ASTN2: variants seen among roughly 807,000 people sequenced by gnomAD.
ASTN2 encodes the protein astrotactin 2.
In ASTN2, 54 loss-of-function variants were observed where a neutral mutation model predicts 139.8. That is an observed-to-expected ratio of 0.39 (90% confidence interval 0.31 to 0.48). The LOEUF (loss-of-function observed/expected upper bound fraction) is 0.48, where lower values mean the gene tolerates loss of function less well. ASTN2 is among the 20% of genes least tolerant of loss of function. The probability of loss-of-function intolerance (pLI) is 0.95; values close to 1 mark genes in which losing one functional copy is unlikely to be tolerated. For synonymous variants in ASTN2, 756 were observed against 719.5 expected (o/e 1.05, Z -0.81); for missense variants, 1,565 against 1,725.1 (o/e 0.91, Z 1.64).
chr9:117,328,282 G>C (rs1411590531), intron 1 of ASTN2, among the ~76,000 whole-genome samples: 4 of 152,010 alleles, frequency 2.6e-5, no homozygotes, highest in South Asian at 2.1e-4. Flanking sequence ...TGATCAAATG[G>C]GATAAATTAG....
chr9:116,559,796 G>C (rs1392260463), intron 19 of ASTN2, among the ~76,000 whole-genome samples: 1 of 152,156 alleles, frequency 6.6e-6, no homozygotes, highest in African/African-American at 2.4e-5. Flanking sequence ...TTGAGCCTGG[G>C]AAGTTTGACT....
At chr9:116,557,742 C>T (rs554683869) in intron 19 of ASTN2, 24 of 152,256 alleles carry the variant, frequency 1.6e-4, no homozygotes, top group Admixed American at 8.5e-4. Flanking sequence ...CTTTTTCCTA[C>T]GTGTATATAA....
chr9:117,406,817 ATAACT>A (rs1448518171), intron 1 of ASTN2, among the ~76,000 whole-genome samples: 6 of 151,416 alleles, frequency 4.0e-5, no homozygotes, highest in East Asian at 3.9e-4. Context: ...CACATACTAC[ATAACT>A]TATTTACTTA....
intron 11 of ASTN2, among the ~76,000 whole-genome samples, chr9:116,828,551 A>C (rs1831710604): frequency 6.6e-6 from 1 of 152,180 alleles, no homozygotes; most frequent in Non-Finnish European, 1.5e-5. Context: ...TCAACAGAGT[A>C]ATCATTGAAA....
At chr9:117,269,048 G>A (rs1186712260) in intron 2 of ASTN2, among the ~76,000 whole-genome samples, 1 of 152,222 alleles carries the variant, frequency 6.6e-6, no homozygotes, top group Admixed American at 6.5e-5. Flanking sequence ...AATGCCTAGT[G>A]CATGACAATG....
rs192762454 is a variant in ASTN2, at chr9:116,586,596, C to A, written c.3355+31728G>T. On this transcript the variant is annotated intron_variant, in intron 19 of 22. Transcript: ENST00000313400. ...ATAAGTGGGAGCTTAACATTGAGTA[C>A]CCATGGGCATAAAGATAGCAACAAT... Among the ~76,000 whole-genome samples the A allele has an allele frequency of 3.9e-5, 6 of 151,968 alleles. No homozygotes were observed. In the East Asian group the frequency reaches 1.2e-3, roughly 29 times the overall value.
intron 16 of ASTN2, among the ~76,000 whole-genome samples, chr9:116,697,215 T>C (rs1367791679): frequency 6.6e-6 from 1 of 152,238 alleles, no homozygotes; most frequent in Non-Finnish European, 1.5e-5. Flanking sequence ...TCAGAAGTTG[T>C]AAAATTCACC....
intron 10 of ASTN2, among the ~76,000 whole-genome samples, chr9:116,942,352 A>C (rs1328781825): frequency 1.3e-5 from 2 of 151,930 alleles, no homozygotes; most frequent in African/African-American, 2.4e-5. Context: ...TCTCTGATCT[A>C]TCTCTCTTCT....
At chr9:116,543,496 A>G (rs1025667857) in intron 19 of ASTN2, among the ~76,000 whole-genome samples, 2 of 152,198 alleles carry the variant, frequency 1.3e-5, no homozygotes, top group African/African-American at 4.8e-5. Context: ...GGTGTACAGT[A>G]GTTTTGCAAC....
intron 19 of ASTN2, among the ~76,000 whole-genome samples, chr9:116,599,152 A>G (rs1854738715): frequency 1.3e-5 from 2 of 152,310 alleles, no homozygotes; most frequent in South Asian, 4.1e-4. Context: ...CATTCTCTAA[A>G]GTGGAAAGCT....
intron 5 of ASTN2, among the ~76,000 whole-genome samples, chr9:117,062,956 C>T (rs1839335580): frequency 6.6e-6 from 1 of 152,130 alleles, no homozygotes; most frequent in Admixed American, 6.6e-5. Flanking sequence ...ACCACTTTTA[C>T]TGTTGCCATA....
At chr9:116,581,336 C>T (rs1853942433) in intron 19 of ASTN2, among the ~76,000 whole-genome samples, 1 of 152,078 alleles carries the variant, frequency 6.6e-6, no homozygotes, top group African/African-American at 2.4e-5. Flanking sequence ...GACCTGGAAA[C>T]TTACATCTCC....
chr9:117,236,620 T>A (rs949316028), intron 2 of ASTN2, among the ~76,000 whole-genome samples: 2 of 152,178 alleles, frequency 1.3e-5, no homozygotes, highest in African/African-American at 4.8e-5. Flanking sequence ...AGTCTCATAC[T>A]AATTGCTCAG....
intron 1 of ASTN2, among the ~76,000 whole-genome samples, chr9:117,323,116 C>T (rs1828386979): frequency 1.3e-5 from 2 of 152,108 alleles, no homozygotes; most frequent in Non-Finnish European, 2.9e-5. Context: ...TGTATCCATT[C>T]CCATAGTATG....
chr9:117,027,760 A>G (rs1838129453), intron 6 of ASTN2, among the ~76,000 whole-genome samples: 1 of 152,198 alleles, frequency 6.6e-6, no homozygotes, highest in Non-Finnish European at 1.5e-5. Flanking sequence ...TCTACCTTCC[A>G]TAGTAGCCTT....
chr9:116,558,817 A>C (rs1330995026), intron 19 of ASTN2, among the ~76,000 whole-genome samples: 1 of 152,192 alleles, frequency 6.6e-6, no homozygotes, highest in East Asian at 1.9e-4. Context: ...CCTCAGATGT[A>C]AAAAGGATAT....
At chr9:116,650,964 G>A (rs1048969437) in intron 17 of ASTN2, among the ~76,000 whole-genome samples, 28 of 151,220 alleles carry the variant, frequency 1.9e-4, no homozygotes, top group African/African-American at 6.3e-4. Context: ...TACCCAGGCT[G>A]GAGTACAATG....
chr9:116,527,124 T>C (rs1187579715), intron 19 of ASTN2, among the ~76,000 whole-genome samples: 1 of 152,134 alleles, frequency 6.6e-6, no homozygotes, highest in Non-Finnish European at 1.5e-5. Context: ...ATCACATTGG[T>C]CTTGGCAATG....
chr9:116,802,852 C>T (rs1046362587), intron 13 of ASTN2, among the ~76,000 whole-genome samples: 1 of 152,216 alleles, frequency 6.6e-6, no homozygotes, highest in African/African-American at 2.4e-5. Flanking sequence ...ATGTCTGGGC[C>T]TTTGCAGGCT....
Sources: gnomAD v4.1 joint callset for allele counts (sites outside exome capture counted in the v4.1 genomes callset) on GRCh38, gnomAD v4.1.1 for gene constraint, MANE v1.5 for transcripts, NCBI Gene and HGNC (gene_info 2026-07-23, HGNC 2026-07-21) for gene names.